Variants in SLC8A1 observed in about 807,000 individuals in gnomAD.
The protein encoded by SLC8A1 is sodium/calcium exchanger 1.
Under a neutral mutation model 68.3 loss-of-function variants are expected in SLC8A1, and 18 were observed. The observed-to-expected ratio is 0.26, with a 90% CI of 0.18 to 0.39. SLC8A1 has a LOEUF of 0.39. Among genes scored for constraint, SLC8A1 ranks in the 10% least tolerant of loss-of-function variants. The probability of loss-of-function intolerance (pLI) is 1.00; values close to 1 mark genes in which losing one functional copy is unlikely to be tolerated. For synonymous variants in SLC8A1, 475 were observed against 415.5 expected, an observed-to-expected ratio of 1.14 and a Z score of -1.74; for missense variants, 985 against 1,156.7, an observed-to-expected ratio of 0.85 and a Z score of 2.15.
intron 2 of SLC8A1, among the ~76,000 whole-genome samples, chr2:40,403,701 G>T (rs1452781219): frequency 6.6e-6 from 1 of 152,172 alleles, no homozygotes; most frequent in African/African-American, 2.4e-5. Flanking sequence ...TTCAACATGA[G>T]CTTTAGACTA....
rs748062321 is a variant in SLC8A1, at chr2:40,252,815, CAT to C, written c.1809-74962_1809-74961del. 3.6e-4 allele frequency among the ~76,000 whole-genome samples: 52 copies of C among 143,268 alleles called. 2 individuals carry two copies. In the South Asian group the frequency reaches 7.7e-3, roughly 21 times the overall value. The allele number at this position is 143,268 out of a possible 152,430, so 94.0% of individuals were successfully genotyped here. A position where few individuals can be genotyped will look rare whatever the true frequency, so the allele number is the denominator to read the frequency against. Reference sequence around the variant, plus strand: ...ATGTGTGTGTATATATGTACATATACATATATATGTATATACATGTGTATACA... The same window carrying C: ...ATGTGTGTGTATATATGTACATATACATATATGTATATACATGTGTATACA... On this transcript the variant is annotated intron_variant, in intron 2 of 7. Coordinates refer to ENST00000406785, the Ensembl canonical transcript of SLC8A1.
exon 2 of SLC8A1, chr2:40,429,010 G>A: frequency 1.2e-6 from 2 of 1,613,628 alleles, no homozygotes; most frequent in Non-Finnish European, 1.7e-6. Context: ...AAGGGCCACA[G>A]TACCACAGTT....
chr2:40,455,866 C>T (rs1702971068), upstream of SLC8A1, among the ~76,000 whole-genome samples: 1 of 152,206 alleles, frequency 6.6e-6, no homozygotes, highest in Non-Finnish European at 1.5e-5. Flanking sequence ...CAACAGTCCA[C>T]AGACTGGGGC....
chr2:40,461,277 A>G lies in SLC8A1; in HGVS notation c.-24-30973T>C, dbSNP rs77684925. On this transcript the variant is annotated intron_variant, in intron 1 of 7. Coordinates refer to the SLC8A1 transcript ENST00000402441. ...CTGTACCAGGCAGAGAGGATATTTCACCACTGAGATGATGAATGGTAGCAA... is the reference window on the plus strand; with the variant it reads ...CTGTACCAGGCAGAGAGGATATTTCGCCACTGAGATGATGAATGGTAGCAA... Among the ~76,000 whole-genome samples the G allele has an allele frequency of 4.5e-3, 684 of 152,214 alleles. 3 individuals are homozygous for G. The highest frequency in any genetic ancestry group is 0.016 in the African/African-American group (656 of 41,532).
chr2:40,275,722 T>G (rs1444676782), intron 2 of SLC8A1, among the ~76,000 whole-genome samples: 1 of 152,212 alleles, frequency 6.6e-6, no homozygotes, highest in Non-Finnish European at 1.5e-5. Flanking sequence ...GTTGTGAACA[T>G]CACATGGGAT....
chr2:40,135,095 G>T (rs1180872079), intron 7 of SLC8A1, among the ~76,000 whole-genome samples: 1 of 151,884 alleles, frequency 6.6e-6, no homozygotes, highest in Non-Finnish European at 1.5e-5. Flanking sequence ...CTTGGTGTGT[G>T]GATAGAAAAA....
chr2:40,418,176 T>G (rs1486065375), intron 2 of SLC8A1, among the ~76,000 whole-genome samples: 2 of 152,248 alleles, frequency 1.3e-5, no homozygotes, highest in Non-Finnish European at 2.9e-5. Context: ...TAGCTCTAGA[T>G]ATTGTCAGAT....
chr2:40,440,749 C>G (rs1182628061), intron 1 of SLC8A1, among the ~76,000 whole-genome samples: 1 of 152,164 alleles, frequency 6.6e-6, no homozygotes, highest in Non-Finnish European at 1.5e-5. Flanking sequence ...GTTAAAAACT[C>G]TCAATAAACT....
exon 2 of SLC8A1, chr2:40,428,976 A>G: frequency 6.2e-7 from 1 of 1,613,876 alleles, no homozygotes. Context: ...TGTTAGTCAA[A>G]TCACCACCTC....
intron 2 of SLC8A1, among the ~76,000 whole-genome samples, chr2:40,410,992 C>G (rs1337978068): frequency 2.0e-5 from 3 of 151,966 alleles, no homozygotes; most frequent in Non-Finnish European, 4.4e-5. Context: ...AATACAGCTG[C>G]AGGCTTGATA....
intron 2 of SLC8A1, among the ~76,000 whole-genome samples, chr2:40,396,661 C>G (rs1449006256): frequency 7.1e-6 from 1 of 140,510 alleles, no homozygotes; most frequent in Non-Finnish European, 1.5e-5. Context: ...TCCTATGTTT[C>G]TTTAAAAAGA....
chr2:40,384,298 T>G (rs911944322), intron 2 of SLC8A1, among the ~76,000 whole-genome samples: 9 of 152,102 alleles, frequency 5.9e-5, no homozygotes, highest in African/African-American at 2.2e-4. Context: ...TAAGAATTAT[T>G]AAACTGTTAT....
chr2:40,490,551 G>T (rs1705247072), intron 1 of SLC8A1, among the ~76,000 whole-genome samples: 1 of 152,110 alleles, frequency 6.6e-6, no homozygotes, highest in African/African-American at 2.4e-5. Context: ...GGTACTAAAT[G>T]AATCTTATAT....
At chr2:40,232,598 GT>G (rs142725013) in intron 2 of SLC8A1, among the ~76,000 whole-genome samples, 2,181 of 133,576 alleles carry the variant, frequency 0.016, 63 homozygotes, top group African/African-American at 0.056. Context: ...TTTGTATTCT[GT>G]TTTTTTTTTT....
chr2:40,317,386 C>T (rs2074606404), intron 2 of SLC8A1, among the ~76,000 whole-genome samples: 1 of 151,946 alleles, frequency 6.6e-6, no homozygotes, highest in South Asian at 2.1e-4. Flanking sequence ...TTGGTTTAAG[C>T]TGGAGAAAAA....
intron 2 of SLC8A1, among the ~76,000 whole-genome samples, chr2:40,237,565 T>G (rs2148937915): frequency 6.6e-6 from 1 of 151,994 alleles, no homozygotes; most frequent in Non-Finnish European, 1.5e-5. Flanking sequence ...CTCCCGTAGC[T>G]CAGAGTAATT....
chr2:40,346,967 A>G (rs1318027815), intron 2 of SLC8A1, among the ~76,000 whole-genome samples: 1 of 152,056 alleles, frequency 6.6e-6, no homozygotes, highest in Admixed American at 6.6e-5. Context: ...AATAAAATAA[A>G]CCCTGCTTAT....
intron 2 of SLC8A1, among the ~76,000 whole-genome samples, chr2:40,240,277 C>T (rs889002230): frequency 5.9e-5 from 9 of 152,138 alleles, no homozygotes; most frequent in Admixed American, 2.6e-4. Flanking sequence ...GTCAAGTCTC[C>T]GACGGAGCGG....
chr2:40,358,694 C>T (rs1428977429), intron 2 of SLC8A1, among the ~76,000 whole-genome samples: 1 of 152,166 alleles, frequency 6.6e-6, no homozygotes, highest in East Asian at 1.9e-4. Context: ...GTACAATGGC[C>T]TAGGTACAGT....
Sources: gnomAD v4.1 joint callset for allele counts (sites outside exome capture counted in the v4.1 genomes callset) on GRCh38, gnomAD v4.1.1 for gene constraint, MANE v1.5 for transcripts, NCBI Gene and HGNC (gene_info 2026-07-23, HGNC 2026-07-21) for gene names.